The following KRT84 variants were observed in gnomAD, a reference collection of about 807,000 sequenced individuals.
KRT84 encodes keratin 84.
Under a neutral mutation model 49.0 loss-of-function variants are expected in KRT84, and 38 were observed. That is an observed-to-expected ratio of 0.78 (90% confidence interval 0.60 to 1.02). KRT84 has a LOEUF of 1.02. Among genes scored for constraint, KRT84 ranks in the 50% least tolerant of loss-of-function variants. KRT84 has a pLI of 0.00. For missense variants in KRT84, 860 were observed against 788.6 expected (o/e 1.09, Z -1.08); for synonymous variants, 334 against 312.8 (o/e 1.07, Z -0.72).
chr12:52,386,101 G>A (rs1335246163), upstream of KRT84, among the ~76,000 whole-genome samples: 1 of 152,190 alleles, frequency 6.6e-6, no homozygotes, highest in Non-Finnish European at 1.5e-5. Context: ...CAAGTAAGAA[G>A]TGATATGGAG....
chr12:52,378,748 T>C (rs1284049528), intron 8 of KRT84, among the ~76,000 whole-genome samples: 1 of 152,216 alleles, frequency 6.6e-6, no homozygotes, highest in East Asian at 1.9e-4. Context: ...CACAAAGCCA[T>C]GGGCCTTTTC....
Position 52,385,186 on chromosome 12 carries a change from C to A in KRT84, c.400G>T (p.Ala134Ser). The A allele has an allele frequency of 6.2e-7, 1 of 1,608,720 alleles. No homozygotes were observed. The highest frequency in any genetic ancestry group is 8.5e-7 in the Non-Finnish European group (1 of 1,176,532). ...YRVGGVGVPA[A>S]PSITAVTVNK... is the part of the protein sequence containing the mutation. ...ACAGTCACAGCTGTGATAGATGGGG[C>A]TGCTGGGACTCCAACCCCTCCAACT... The change falls in exon 1 of 9, where the codon GCC becomes TCC. Residue 134 changes from alanine (A) to serine (S), a missense_variant. By Grantham distance (99) the Ala-to-Ser change is moderately conservative. Coordinates refer to ENST00000257951, the MANE Select transcript of KRT84 (RefSeq NM_033045.4).
In KRT84 at chr12:52,380,407, G is replaced by A. The variant is rs201756522; in HGVS notation, c.1380C>T (p.Ile460=). 37 of 1,614,166 alleles carry A rather than the reference G, an allele frequency of 2.3e-5. No homozygotes were observed. Among genetic ancestry groups the A allele is most frequent in the African/African-American group, 1.3e-4 (10 of 75,056 alleles). Residue 460 remains isoleucine (I), a synonymous_variant, in exon 7 of 9, where the codon ATC becomes ATT. Coordinates refer to ENST00000257951, the MANE Select transcript of KRT84 (RefSeq NM_033045.4). ...GCAGGCGCCTGTAGGTGGCGATCTC[G>A]ATGTCCAGGCCCAGCTTGGCATTCA... The part of the protein sequence containing the change: ...ELMNAKLGLD[I]EIATYRRLLE...
chr12:52,381,209 C>G lies in KRT84; in HGVS notation c.1078-4G>C, dbSNP rs883712. On this transcript the variant is annotated splice_region_variant and splice_polypyrimidine_tract_variant and intron_variant, in intron 5 of 8. Coordinates refer to ENST00000257951, the MANE Select transcript of KRT84 (RefSeq NM_033045.4). ...CTGTCACCTGCATCTCTTCATACTG[C>G]GGAGAGAGGAGGGTATTTTGAGGGT... The G allele has an allele frequency of 0.23, 370,725 of 1,613,364 alleles. 48,404 individuals carry two copies. Among genetic ancestry groups the G allele is most frequent in the African/African-American group, 0.57 (42,785 of 74,896 alleles).
In KRT84 at chr12:52,378,045, T is replaced by C. The variant is rs941728751; in HGVS notation, c.1792A>G (p.Thr598Ala). Residue 598 changes from threonine (T) to alanine (A), a missense_variant, in exon 9 of 9, where the codon ACC (threonine) becomes GCC (alanine). Coordinates refer to ENST00000257951, the MANE Select transcript of KRT84 (RefSeq NM_033045.4). ...RFVSTTTSCR[T>A]KY ...CTGGGGCTGGGCTCTCAGTACTTGGTCCGGCAGGAGGTGGTGGTGGACACA... is the reference window on the plus strand; with the variant it reads ...CTGGGGCTGGGCTCTCAGTACTTGGCCCGGCAGGAGGTGGTGGTGGACACA... The C allele has an allele frequency of 2.7e-6, 4 of 1,471,290 alleles. No individual in the cohort carries two copies. In the African/African-American group the frequency reaches 4.4e-5, roughly 16 times the overall value. 91.1% of individuals were successfully genotyped at this position (1,471,290 alleles called of 1,614,324 possible).
At position 52,382,509 on chromosome 12, in the gene KRT84, G is replaced by T. The variant is rs756269887; in HGVS notation, c.840C>A (p.Asn280Lys). 6.2e-7 allele frequency: 1 copy of T among 1,613,886 alleles called. No homozygotes were observed. Among genetic ancestry groups the T allele is most frequent in the South Asian group, 1.1e-5 (1 of 91,072 alleles). ...LKKDVDAAFM[N>K]KSDLEANVDT... ...CCACGTTGGCCTCGAGATCAGACTT[G>T]TTCATGAAAGCTGCATCCACATCCT... The change falls in exon 4 of 9, where the codon AAC becomes AAA. Residue 280 changes from asparagine (N) to lysine (K), a missense_variant. Asn to Lys is a moderately conservative substitution (Grantham distance 94). Coordinates refer to ENST00000257951, the MANE Select transcript of KRT84 (RefSeq NM_033045.4).
intron 1 of KRT84, among the ~76,000 whole-genome samples, chr12:52,384,775 G>A (rs561663884): frequency 6.6e-6 from 1 of 152,132 alleles, no homozygotes; most frequent in Non-Finnish European, 1.5e-5. Context: ...AGATGCCCTC[G>A]AGTTTGGCTG....
At chr12:52,385,882 A>T (rs1939567194), upstream of KRT84, among the ~76,000 whole-genome samples, 1 of 152,204 alleles carries the variant, frequency 6.6e-6, no homozygotes, top group South Asian at 2.1e-4. Flanking sequence ...ACATATAAAC[A>T]TTATAGTCTT....
At position 52,383,582 on chromosome 12, in the gene KRT84, TC is replaced by T. The variant is rs1259369872; in HGVS notation, c.755+7del. ...GTCACTGGTCTGTGCAGCTCAGATGTCACTCACTTCTTCTTGAAGCCCTCTA... is the reference window on the plus strand; with the variant it reads ...GTCACTGGTCTGTGCAGCTCAGATGTACTCACTTCTTCTTGAAGCCCTCTA... On this transcript the variant is annotated splice_region_variant and intron_variant, in intron 2 of 8. Transcript: ENST00000257951. 6.2e-7 allele frequency: 1 copy of T among 1,611,218 alleles called. No individual in the cohort carries two copies. The highest frequency in any genetic ancestry group is 8.5e-7 in the Non-Finnish European group (1 of 1,179,170).
rs1295839286 is a variant in KRT84 at position 52,383,804 on chromosome 12, T to C, written c.547-6A>G. 1 of 1,609,492 alleles carries C rather than the reference T, an allele frequency of 6.2e-7. No individual in the cohort carries two copies. Among genetic ancestry groups the C allele is most frequent in the Non-Finnish European group, 8.5e-7 (1 of 1,176,934 alleles). ...TGCTGCTCTAGGAACCGAACCTAAA[T>C]CCACAGGGCACAGAAATGGCATTTG... On this transcript the variant is annotated splice_polypyrimidine_tract_variant and splice_region_variant and intron_variant, in intron 1 of 8. Coordinates refer to ENST00000257951, the MANE Select transcript of KRT84 (RefSeq NM_033045.4).
intron 8 of KRT84, among the ~76,000 whole-genome samples, chr12:52,379,439 C>A (rs563737175): frequency 1.3e-5 from 2 of 152,342 alleles, no homozygotes; most frequent in African/African-American, 4.8e-5. Context: ...CACTGCCCTG[C>A]GTGCTTTGGG....
intron 2 of KRT84, 57 bp downstream of exon 2, chr12:52,383,533 T>G: frequency 6.8e-7 from 1 of 1,468,320 alleles, no homozygotes. Context: ...GCTTGGCAGC[T>G]AATTCTGGGG....
chr12:52,385,898 TC>T (rs537133982), upstream of KRT84, among the ~76,000 whole-genome samples: 1 of 152,210 alleles, frequency 6.6e-6, no homozygotes, highest in African/African-American at 2.4e-5. Context: ...GTCTTTTTTT[TC>T]CCTATAAGTC....
intron 8 of KRT84, among the ~76,000 whole-genome samples, chr12:52,379,064 T>C (rs1732289): frequency 0.32 from 48,818 of 152,130 alleles, 9,845 homozygotes; most frequent in African/African-American, 0.57. Flanking sequence ...CCATTGCCTG[T>C]GGCTTCCCCT....
At position 52,380,573 on chromosome 12, in the gene KRT84, A is replaced by C; in HGVS notation, c.1214T>G (p.Leu405Trp). 1 of 1,611,622 alleles carries C rather than the reference A, an allele frequency of 6.2e-7. No individual in the cohort carries two copies. The highest frequency in any genetic ancestry group is 8.5e-7 in the Non-Finnish European group (1 of 1,178,784). The change falls in exon 7 of 9, where the codon TTG (leucine) becomes TGG (tryptophan). Residue 405 changes from leucine (L) to tryptophan (W), a missense_variant. Transcript: ENST00000257951. ...CTCGGCCTCGGCCACTGCAGCCTCC[A>C]ACTTGGCACGCTGCAGGGAAGGCAG... ...IEHAKAQRAK[L>W]EAAVAEAEQQ...
Position 52,385,564 on chromosome 12 carries a change from C to A in KRT84, c.22G>T (p.Val8Phe), listed in dbSNP as rs780945676. The change falls in exon 1 of 9, where the codon GTC becomes TTC. Residue 8 changes from valine (V) to phenylalanine (F), a missense_variant. Val to Phe is a conservative substitution (Grantham distance 50, BLOSUM62 -1). Transcript: ENST00000257951. ...TTGCCCACCCGGTGACCAGAGCTGA[C>A]TCGGTAGGAGCGGCAAGACATGATG... MSCRSYR[V>F]SSGHRVGNFS... 1.2e-5 allele frequency: 20 copies of A among 1,613,614 alleles called. No individual in the cohort carries two copies. Among genetic ancestry groups the A allele is most frequent in the Non-Finnish European group, 1.7e-5 (20 of 1,179,832 alleles).
intron 6 of KRT84, 60 bp downstream of exon 6, chr12:52,381,020 C>T: frequency 6.3e-7 from 1 of 1,589,978 alleles, no homozygotes; most frequent in South Asian, 1.1e-5. Context: ...TTGGGGGTTC[C>T]CAAAGCCTGA....
At chr12:52,383,179 A>G (rs1939513418) in intron 2 of KRT84, 114 bp from the exon 3 acceptor site, 2 of 836,484 alleles carry the variant, frequency 2.4e-6, no homozygotes, top group African/African-American at 3.3e-5. Flanking sequence ...ATGGTTCCCT[A>G]TTGCTATCTG....
In KRT84 at chr12:52,383,879, G is replaced by A. The variant is rs144467283; in HGVS notation, c.547-81C>T. On this transcript the variant is annotated intron_variant, in intron 1 of 8. Transcript: ENST00000257951. ...TGACCAAGCTCTTGAGATGGCCAGCGATGACTTGACCACATGTCGACAGGG... is the reference window on the plus strand; with the variant it reads ...TGACCAAGCTCTTGAGATGGCCAGCAATGACTTGACCACATGTCGACAGGG... 408 of 1,155,840 alleles carry A rather than the reference G, an allele frequency of 3.5e-4. 1 individual carries two copies. In the African/African-American group the frequency reaches 5.3e-3, roughly 15 times the overall value. 71.6% of individuals were successfully genotyped at this position (1,155,840 alleles called of 1,614,324 possible). A position where few individuals can be genotyped will look rare whatever the true frequency, so the allele number is the denominator to read the frequency against.
Sources: gnomAD v4.1 joint callset for allele counts (sites outside exome capture counted in the v4.1 genomes callset) on GRCh38, gnomAD v4.1.1 for gene constraint, MANE v1.5 for transcripts, NCBI Gene and HGNC (gene_info 2026-07-23, HGNC 2026-07-21) for gene names.